Variants in LHFPL6 observed in about 807,000 individuals in gnomAD.
LHFPL6 encodes the protein LHFPL tetraspan subfamily member 6, also known as LHFPL tetraspan subfamily member 6 protein.
In LHFPL6, 9 loss-of-function variants were observed where a neutral mutation model predicts 20.6. That is an observed-to-expected ratio of 0.44 (90% confidence interval 0.26 to 0.76). The LOEUF is 0.76. Among genes scored for constraint, LHFPL6 ranks in the 30% least tolerant of loss-of-function variants. The probability of loss-of-function intolerance (pLI) is 0.20; values close to 1 mark genes in which losing one functional copy is unlikely to be tolerated. For missense variants in LHFPL6, 218 were observed against 253.5 expected, an observed-to-expected ratio of 0.86 and a Z score of 0.95; for synonymous variants, 105 against 98.7, an observed-to-expected ratio of 1.06 and a Z score of -0.38.
intron 3 of LHFPL6, among the ~76,000 whole-genome samples, chr13:39,368,313 G>A (rs1870062346): frequency 6.6e-6 from 1 of 151,648 alleles, no homozygotes; most frequent in African/African-American, 2.4e-5. Flanking sequence ...GCTGGGCATG[G>A]TGGCTCACGC....
intron 2 of LHFPL6, among the ~76,000 whole-genome samples, chr13:39,457,474 A>G (rs1872597365): frequency 6.6e-6 from 1 of 152,232 alleles, no homozygotes; most frequent in South Asian, 2.1e-4. Context: ...AAGGTTCACA[A>G]TACCAAGTGC....
At chr13:39,566,731 T>TAAAAAAAAAAA (rs3035077) in intron 2 of LHFPL6, among the ~76,000 whole-genome samples, 11 of 70,076 alleles carry the variant, frequency 1.6e-4, no homozygotes, top group African/African-American at 5.7e-4. Flanking sequence ...AGACCCTGTC[T>TAAAAAAAAAAA]AAAAAAAAAA....
chr13:39,553,850 C>T (rs919693466), intron 2 of LHFPL6, among the ~76,000 whole-genome samples: 2 of 152,240 alleles, frequency 1.3e-5, no homozygotes, highest in African/African-American at 4.8e-5. Context: ...CCATCCTAAA[C>T]CAGCCAGCCA....
rs1555268241 is a variant in LHFPL6, at chr13:39,562,417, C to CATATACAT, written c.385+38407_385+38414dup. ...ATATATACATATATACACATATACA[C>CATATACAT]ATATACATATATACATATATACATA... On this transcript the variant is annotated intron_variant, in intron 2 of 3. Coordinates refer to ENST00000379589, the MANE Select transcript of LHFPL6 (RefSeq NM_005780.3). Among the ~76,000 whole-genome samples the CATATACAT allele has an allele frequency of 5.7e-3, 332 of 57,918 alleles. 5 individuals carry two copies. Among genetic ancestry groups the CATATACAT allele is most frequent in the African/African-American group, 0.015 (284 of 19,110 alleles). The allele number at this position is 57,918 out of a possible 152,430, so 38.0% of individuals were successfully genotyped here. A position where few individuals can be genotyped will look rare whatever the true frequency, so the allele number is the denominator to read the frequency against.
At chr13:39,506,122 T>C (rs192636930) in intron 2 of LHFPL6, among the ~76,000 whole-genome samples, 6 of 152,314 alleles carry the variant, frequency 3.9e-5, no homozygotes, top group East Asian at 1.9e-4. Context: ...TATACTACAC[T>C]ATGATCTTTT....
intron 2 of LHFPL6, among the ~76,000 whole-genome samples, chr13:39,425,955 G>T (rs1466260006): frequency 6.6e-6 from 1 of 152,020 alleles, no homozygotes; most frequent in Non-Finnish European, 1.5e-5. Flanking sequence ...AGCTACCATG[G>T]CCCACTGTCT....
At chr13:39,598,393 G>A (rs1223314873) in intron 2 of LHFPL6, among the ~76,000 whole-genome samples, 1 of 151,280 alleles carries the variant, frequency 6.6e-6, no homozygotes, top group African/African-American at 2.4e-5. Context: ...TAAATTTACT[G>A]TTATCTTTGG....
intron 2 of LHFPL6, among the ~76,000 whole-genome samples, chr13:39,420,622 T>G (rs1214230743): frequency 6.6e-6 from 1 of 152,184 alleles, no homozygotes; most frequent in Non-Finnish European, 1.5e-5. Flanking sequence ...AGACTTTCAG[T>G]AGGGAAGAAG....
intron 2 of LHFPL6, among the ~76,000 whole-genome samples, chr13:39,420,343 T>C (rs982669921): frequency 4.6e-5 from 7 of 152,208 alleles, no homozygotes; most frequent in Non-Finnish European, 8.8e-5. Flanking sequence ...ATCCTTTGTG[T>C]CTTCTTTCTG....
chr13:39,411,926 A>G (rs929272321), intron 2 of LHFPL6, among the ~76,000 whole-genome samples: 9 of 152,196 alleles, frequency 5.9e-5, no homozygotes, highest in Non-Finnish European at 8.8e-5. Context: ...GCTGTTTCTC[A>G]TCATGGCTTT....
chr13:39,412,791 C>T (rs1189535056), intron 2 of LHFPL6, among the ~76,000 whole-genome samples: 6 of 152,002 alleles, frequency 3.9e-5, no homozygotes, highest in East Asian at 1.9e-4. Context: ...GGTGTGGTGG[C>T]GGGCTCCTGT....
chr13:39,386,825 C>G (rs1870577175), intron 2 of LHFPL6, among the ~76,000 whole-genome samples: 1 of 152,214 alleles, frequency 6.6e-6, no homozygotes, highest in Non-Finnish European at 1.5e-5. Flanking sequence ...TGACTTACTG[C>G]ACCTATTACT....
intron 2 of LHFPL6, among the ~76,000 whole-genome samples, chr13:39,489,209 C>T (rs1470684048): frequency 6.6e-6 from 1 of 152,144 alleles, no homozygotes; most frequent in Non-Finnish European, 1.5e-5. Flanking sequence ...GGTATGAGAA[C>T]CTAAATACTG....
intron 3 of LHFPL6, among the ~76,000 whole-genome samples, chr13:39,359,978 T>C (rs570357926): frequency 7.9e-5 from 12 of 152,292 alleles, no homozygotes; most frequent in Admixed American, 4.6e-4. Flanking sequence ...GCTTAGAGTA[T>C]TGGAGCCACT....
chr13:39,384,383 G>A (rs749626437), intron 2 of LHFPL6, among the ~76,000 whole-genome samples: 2 of 152,176 alleles, frequency 1.3e-5, no homozygotes, highest in Non-Finnish European at 2.9e-5. Context: ...TCTTCTGGGG[G>A]AGGACTGAAG....
intron 2 of LHFPL6, among the ~76,000 whole-genome samples, chr13:39,484,564 A>G (rs1006123102): frequency 6.6e-6 from 1 of 151,366 alleles, no homozygotes; most frequent in African/African-American, 2.4e-5. Context: ...CTTTTTATCT[A>G]CCCTCCTTTA....
rs562747156 is a variant in LHFPL6, at chr13:39,540,700, C to T, written c.385+60132G>A. On this transcript the variant is annotated intron_variant, in intron 2 of 3. Transcript: ENST00000379589. ...TTCTGTAAAATAGGCTTCCATTGGA[C>T]AATACTTCCCTAAGAGTTGAAACAA... 6.2e-4 allele frequency among the ~76,000 whole-genome samples: 94 copies of T among 152,202 alleles called. 2 individuals carry two copies. Among genetic ancestry groups the T allele is most frequent in the Admixed American group, 6.1e-3 (94 of 15,286 alleles).
intron 2 of LHFPL6, among the ~76,000 whole-genome samples, chr13:39,490,558 AAGAC>A (rs1167399564): frequency 6.6e-6 from 1 of 152,176 alleles, no homozygotes; most frequent in Non-Finnish European, 1.5e-5. Flanking sequence ...CTTTAGGAAA[AAGAC>A]AGGGCTACAG....
intron 2 of LHFPL6, among the ~76,000 whole-genome samples, chr13:39,533,453 T>C (rs1870525172): frequency 6.6e-6 from 1 of 152,168 alleles, no homozygotes; most frequent in Non-Finnish European, 1.5e-5. Context: ...CACACCTTTC[T>C]TCTAAAGGTA....
Sources: gnomAD v4.1 joint callset for allele counts (sites outside exome capture counted in the v4.1 genomes callset) on GRCh38, gnomAD v4.1.1 for gene constraint, MANE v1.5 for transcripts, NCBI Gene and HGNC (gene_info 2026-07-23, HGNC 2026-07-21) for gene names.